Variants in HERC3 observed in about 807,000 individuals in gnomAD.
The protein encoded by HERC3 is HECT and RLD domain containing E3 ubiquitin protein ligase 3.
A neutral mutation model predicts 129.9 loss-of-function variants in HERC3; 58 were observed. The observed-to-expected ratio is 0.45, with a 90% CI of 0.36 to 0.56. The LOEUF (loss-of-function observed/expected upper bound fraction) is 0.56, where lower values mean the gene tolerates loss of function less well. HERC3 is among the 20% of genes least tolerant of loss of function. The pLI is 0.00. For missense variants in HERC3, 835 were observed against 1,244.2 expected, an observed-to-expected ratio of 0.67 and a Z score of 4.95; for synonymous variants, 430 against 451.0, an observed-to-expected ratio of 0.95 and a Z score of 0.59.
At chr4:88,656,276 A>C in intron 9 of HERC3, 1 of 495,618 alleles carries the variant, frequency 2.0e-6, no homozygotes, top group South Asian at 3.2e-5. Context: ...TGTAAAGAGC[A>C]CCTGAAACAG....
the HERC3 span, among the ~76,000 whole-genome samples, chr4:88,537,022 C>T: frequency 6.6e-6 from 1 of 152,132 alleles, no homozygotes; most frequent in Admixed American, 6.5e-5. Context: ...AAACTGACAG[C>T]AACTTGCAGA....
chr4:88,599,147 C>T (rs1414269057), intron 2 of HERC3, among the ~76,000 whole-genome samples: 1 of 152,196 alleles, frequency 6.6e-6, no homozygotes, highest in Non-Finnish European at 1.5e-5. Flanking sequence ...TCATGGACAT[C>T]AGCAGCTACA....
intron 3 of HERC3, among the ~76,000 whole-genome samples, chr4:88,623,848 A>G (rs191629756): frequency 1.8e-3 from 269 of 152,326 alleles, no homozygotes; most frequent in Non-Finnish European, 3.1e-3. Context: ...TAAATGTACA[A>G]TTTAATGAGT....
At chr4:88,646,681 G>T (rs1728722347) in intron 3 of HERC3, among the ~76,000 whole-genome samples, 1 of 152,146 alleles carries the variant, frequency 6.6e-6, no homozygotes, top group African/African-American at 2.4e-5. Flanking sequence ...CCCAAGTGGG[G>T]CAGGGGTGTA....
chr4:88,567,140 A>C, the HERC3 span, among the ~76,000 whole-genome samples: 1 of 152,108 alleles, frequency 6.6e-6, no homozygotes, highest in Non-Finnish European at 1.5e-5. Flanking sequence ...GTAAGTTTCC[A>C]CTGAGAAGTC....
intron 9 of HERC3, chr4:88,656,278 C>A (rs970742850): frequency 3.5e-5 from 17 of 490,644 alleles, no homozygotes; most frequent in Non-Finnish European, 5.5e-5. Context: ...TAAAGAGCAC[C>A]TGAAACAGGG....
At chr4:88,666,748 T>TA (rs1218538374) in intron 12 of HERC3, among the ~76,000 whole-genome samples, 3 of 152,178 alleles carry the variant, frequency 2.0e-5, no homozygotes, top group African/African-American at 7.2e-5. Context: ...TATTTAAGGT[T>TA]AAAAAAATGA....
At position 88,669,130 on chromosome 4, in the gene HERC3, A is replaced by G. The variant is rs77873425; in HGVS notation, c.1634-730A>G. ...TTATTGATATTTAAAAGAATACCCC[A>G]AAGTAGAGAGTATGCTACAGGTAGT... On this transcript the variant is annotated intron_variant, in intron 14 of 25. Transcript: ENST00000402738. 3.9e-5 allele frequency among the ~76,000 whole-genome samples: 6 copies of G among 152,298 alleles called. No individual in the cohort carries two copies. In the East Asian group the frequency reaches 1.2e-3, roughly 29 times the overall value.
At chr4:88,700,718 G>A (rs1207831334) in intron 23 of HERC3, among the ~76,000 whole-genome samples, 2 of 152,224 alleles carry the variant, frequency 1.3e-5, no homozygotes, top group Admixed American at 6.5e-5. Flanking sequence ...GGGGCAAGGA[G>A]GGATTTATTT....
intron 23 of HERC3, among the ~76,000 whole-genome samples, chr4:88,701,480 T>C (rs1388249240): frequency 2.0e-5 from 3 of 152,228 alleles, no homozygotes; most frequent in Non-Finnish European, 4.4e-5. Context: ...ATTACAGTGA[T>C]GGATAAGTAG....
rs140106659 is a variant in HERC3, at chr4:88,693,534, T to TA, written c.2657+6241dup. The TA allele has an allele frequency of 8.1e-4, 777 of 961,324 alleles. 1 individual carries two copies. Among genetic ancestry groups the TA allele is most frequent in the Non-Finnish European group, 9.2e-4 (744 of 808,046 alleles). The allele number at this position is 961,324 out of a possible 1,614,324, so 59.5% of individuals were successfully genotyped here. ...GCTGTTTACCTCTAAAATATTTGTT[T>TA]AAAAAATGAATTAACTAGAAGGTGG... On this transcript the variant is annotated intron_variant, in intron 23 of 25. Coordinates refer to ENST00000402738, the MANE Select transcript of HERC3 (RefSeq NM_014606.3).
chr4:88,654,349 CATATATATATAT>C (rs869126362), intron 7 of HERC3, among the ~76,000 whole-genome samples: 2,741 of 70,930 alleles, frequency 0.039, 131 homozygotes, highest in African/African-American at 0.15. Context: ...GTAGATTTTT[CATATATATATAT>C]ATATATATAT....
At position 88,668,022 on chromosome 4, in the gene HERC3, T is replaced by C; in HGVS notation, c.1574T>C (p.Leu525Ser). The change falls in exon 14 of 26, where the codon TTG becomes TCG. Residue 525 changes from leucine to serine, a missense_variant. Leu to Ser is a moderately radical substitution (Grantham distance 145). Transcript: ENST00000402738. ...LLQDSKYYIT[L>S]TIPLAMAILR... The stretch of plus-strand genomic sequence containing the variant: ...CAGGATTCCAAGTATTATATAACAT[T>C]GACTATTCCCTTGGCTATGGCCATT... 1 of 1,613,722 alleles carries C rather than the reference T, an allele frequency of 6.2e-7. No homozygotes were observed. Among genetic ancestry groups the C allele is most frequent in the South Asian group, 1.1e-5 (1 of 91,066 alleles).
In HERC3 at chr4:88,706,968, C is replaced by T. The variant is rs373672544; in HGVS notation, c.*8C>T. The stretch of plus-strand genomic sequence containing the variant: ...GGGTTTAGTTTGGCCTGAGGCTTCT[C>T]AGCTTGTCCAGTATTTCCCTTCGTT... On this transcript the variant is annotated 3_prime_UTR_variant, in exon 26 of 26. Transcript: ENST00000402738. The T allele has an allele frequency of 4.4e-6, 7 of 1,607,544 alleles. No homozygotes were observed. Among genetic ancestry groups the T allele is most frequent in the Admixed American group, 3.3e-5 (2 of 60,016 alleles).
the HERC3 span, among the ~76,000 whole-genome samples, chr4:88,578,331 C>T: frequency 6.6e-6 from 1 of 152,098 alleles, no homozygotes; most frequent in East Asian, 1.9e-4. Context: ...CCTTTAATTC[C>T]GGCACTTTGG....
chr4:88,698,436 A>G (rs796320102), intron 23 of HERC3, among the ~76,000 whole-genome samples: 59 of 150,392 alleles, frequency 3.9e-4, no homozygotes, highest in African/African-American at 1.4e-3. Flanking sequence ...TCTCAGCAGG[A>G]CTCCCCTGGA....
intron 23 of HERC3, among the ~76,000 whole-genome samples, chr4:88,689,374 A>C: frequency 6.6e-6 from 1 of 150,536 alleles, no homozygotes; most frequent in East Asian, 1.9e-4. Flanking sequence ...AAAATTAGCC[A>C]GGTGTGTGGC....
chr4:88,632,471 ATGT>A (rs1446607042), intron 3 of HERC3, among the ~76,000 whole-genome samples: 2 of 152,240 alleles, frequency 1.3e-5, no homozygotes, highest in Non-Finnish European at 2.9e-5. Context: ...GATAATGTAG[ATGT>A]TGGAATTATC....
At chr4:88,620,744 C>T (rs1725424452) in intron 3 of HERC3, among the ~76,000 whole-genome samples, 1 of 152,130 alleles carries the variant, frequency 6.6e-6, no homozygotes, top group Admixed American at 6.5e-5. Context: ...CCCTGGCATA[C>T]TCTGTTCCTC....
Sources: allele counts gnomAD v4.1 joint callset (sites outside exome capture counted in the v4.1 genomes callset), GRCh38; gene constraint gnomAD v4.1.1; transcripts MANE v1.5; gene names NCBI Gene and HGNC (gene_info 2026-07-23, HGNC 2026-07-21).